Variants in ADAM2 observed in about 807,000 individuals in gnomAD.
The protein encoded by ADAM2 is disintegrin and metalloproteinase domain-containing protein 2.
In ADAM2, 101 loss-of-function variants were observed where a neutral mutation model predicts 99.3. The ratio of observed to expected loss-of-function variants is 1.02; its 90% CI spans 0.87 to 1.20. The LOEUF (loss-of-function observed/expected upper bound fraction) is 1.20. Ranked by LOEUF, ADAM2 falls within the 50% of genes most tolerant of loss-of-function variation. The pLI is 0.00. For missense variants in ADAM2, 948 were observed against 878.7 expected, an observed-to-expected ratio of 1.08 and a Z score of -1.00; for synonymous variants, 323 against 287.6, an observed-to-expected ratio of 1.12 and a Z score of -1.25.
At position 39,777,152 on chromosome 8, in the gene ADAM2, T is replaced by C. The variant is rs369996616; in HGVS notation, c.901A>G (p.Thr301Ala). 6.2e-7 allele frequency: 1 copy of C among 1,605,148 alleles called. No homozygotes were observed. The highest frequency in any genetic ancestry group is 8.5e-7 in the Non-Finnish European group (1 of 1,176,874). ...ACTGCAAGTGATTCCAGACTTATGG[T>C]TCTGGGGTGCTGAGAAAAAAAAATA... ...YAGGVVLHPRTISLESLAVIL... is the reference protein window; with the variant it reads ...YAGGVVLHPRAISLESLAVIL... Residue 301 changes from threonine to alanine, a missense_variant, in exon 11 of 21, where the codon ACC (threonine) becomes GCC (alanine). Thr to Ala is a moderately conservative substitution (Grantham distance 58). Coordinates refer to ENST00000265708, the MANE Select transcript of ADAM2 (RefSeq NM_001464.5).
At chr8:39,791,105 A>C (rs771454292) in intron 7 of ADAM2, among the ~76,000 whole-genome samples, 1 of 152,020 alleles carries the variant, frequency 6.6e-6, no homozygotes, top group Non-Finnish European at 1.5e-5. Flanking sequence ...GACTTATGCT[A>C]AAGTTTCATG....
chr8:39,746,587 A>G lies in ADAM2; in HGVS notation c.2059T>C (p.Trp687Arg), dbSNP rs1277679464. The change falls in exon 19 of 21, where the codon TGG (tryptophan) becomes CGG (arginine). Residue 687 changes from tryptophan (W) to arginine (R), a missense_variant. Physicochemically the swap from Trp to Arg is moderately radical, Grantham distance 101 (BLOSUM62 -3). Transcript: ENST00000265708. The stretch of plus-strand genomic sequence containing the variant: ...AAAGGAATGAATAAGAAAAATGGCC[A>G]TCTCATTGGTTTGGAATGGTAAATG... ...ENIYHSKPMR[W>R]PFFLFIPFFI... 6.2e-7 allele frequency: 1 copy of G among 1,607,752 alleles called. No homozygotes were observed.
intron 11 of ADAM2, among the ~76,000 whole-genome samples, chr8:39,773,750 G>A (rs1052269559): frequency 4.0e-5 from 6 of 151,774 alleles, no homozygotes; most frequent in African/African-American, 1.4e-4. Flanking sequence ...TCCAGTTCCG[G>A]ACAGCTTCAC....
At chr8:39,772,584 G>A (rs966852804) in intron 11 of ADAM2, among the ~76,000 whole-genome samples, 19 of 152,066 alleles carry the variant, frequency 1.2e-4, no homozygotes, top group Middle Eastern at 3.4e-3. Flanking sequence ...ACTTTTCTTT[G>A]ATTGTAGCCA....
chr8:39,782,347 C>G (rs544048881), intron 10 of ADAM2, among the ~76,000 whole-genome samples: 2 of 152,212 alleles, frequency 1.3e-5, no homozygotes, highest in South Asian at 4.1e-4. Flanking sequence ...TTCACCATGT[C>G]ATACTCTTTT....
At chr8:39,771,448 A>C (rs951415318) in intron 11 of ADAM2, among the ~76,000 whole-genome samples, 1 of 152,192 alleles carries the variant, frequency 6.6e-6, no homozygotes, top group African/African-American at 2.4e-5. Context: ...ACTATAAATA[A>C]TAAAGTTTAA....
At position 39,755,752 on chromosome 8, in the gene ADAM2, A is replaced by G; in HGVS notation, c.1773T>C (p.Asp591=). 2 of 1,613,038 alleles carry G rather than the reference A, an allele frequency of 1.2e-6. No individual in the cohort carries two copies. The highest frequency in any genetic ancestry group is 1.7e-6 in the Non-Finnish European group (2 of 1,179,570). ...CCTTATTTGAACCACAAGAAGTTCC[A>G]TCTTTTATCCACATCTTTTGGCTGT... ...HADSQKMWIK[D]GTSCGSNKVC... Residue 591 remains aspartate, a synonymous_variant, in exon 16 of 21, where the codon GAT becomes GAC. Coordinates refer to ENST00000265708, the MANE Select transcript of ADAM2 (RefSeq NM_001464.5).
chr8:39,769,326 C>A (rs1055852135), intron 12 of ADAM2, 66 bp downstream of exon 12: 1 of 1,286,384 alleles, frequency 7.8e-7, no homozygotes, highest in Non-Finnish European at 1.1e-6. Context: ...ATGGCAGTTT[C>A]TCACTCGAAT....
At chr8:39,833,821 G>A (rs1051366911) in intron 3 of ADAM2, 123 bp downstream of exon 3, 1 of 674,460 alleles carries the variant, frequency 1.5e-6, no homozygotes. Flanking sequence ...ATATGATAAG[G>A]GATGAATGAA....
In ADAM2 at chr8:39,779,860, C is replaced by T. The variant is rs186619590; in HGVS notation, c.892-2699G>A. ...ATATAAGTTTTTTTAGAAAAACACT[C>T]GTCTCTAATTTTATGTATCAACATT... On this transcript the variant is annotated intron_variant, in intron 10 of 20. Coordinates refer to ENST00000265708, the MANE Select transcript of ADAM2 (RefSeq NM_001464.5). Among the ~76,000 whole-genome samples, 15 of 152,156 alleles carry T rather than the reference C, an allele frequency of 9.9e-5. No individual in the cohort carries two copies. In the East Asian group the frequency reaches 1.5e-3, roughly 16 times the overall value.
At chr8:39,779,519 G>A (rs1168227963) in intron 10 of ADAM2, among the ~76,000 whole-genome samples, 1 of 152,108 alleles carries the variant, frequency 6.6e-6, no homozygotes, top group African/African-American at 2.4e-5. Flanking sequence ...GATATGGAAA[G>A]CAGTAAGAGA....
intron 18 of ADAM2, among the ~76,000 whole-genome samples, chr8:39,747,845 T>C (rs1823536787): frequency 6.6e-6 from 1 of 152,198 alleles, no homozygotes; most frequent in South Asian, 2.1e-4. Flanking sequence ...GTTTTTAAAC[T>C]GTCCTTGAAT....
At chr8:39,821,765 ACTCATGTTTC>A in intron 4 of ADAM2, 103 bp from the exon 5 acceptor site, 1 of 767,130 alleles carries the variant, frequency 1.3e-6, no homozygotes, top group Admixed American at 2.3e-5. Flanking sequence ...TGCATCAAAC[ACTCATGTTTC>A]AAAAATGGAT....
chr8:39,793,627 A>G (rs968474117), intron 7 of ADAM2, among the ~76,000 whole-genome samples: 2 of 152,124 alleles, frequency 1.3e-5, no homozygotes, highest in African/African-American at 4.8e-5. Context: ...AGTCTTTTGC[A>G]TAAGAGTAGG....
chr8:39,830,321 C>A (rs1805564767), intron 3 of ADAM2, among the ~76,000 whole-genome samples: 1 of 151,956 alleles, frequency 6.6e-6, no homozygotes, highest in African/African-American at 2.4e-5. Flanking sequence ...TAAACTGGCC[C>A]ATAGGTCAAA....
chr8:39,787,093 T>C, intron 9 of ADAM2, 38 bp from the exon 10 acceptor site: 2 of 1,280,544 alleles, frequency 1.6e-6, no homozygotes, highest in African/African-American at 1.5e-5. Flanking sequence ...TATAATTTTG[T>C]AAAAATTAAT....
chr8:39,755,882 T>G lies in ADAM2; in HGVS notation c.1643A>C (p.Lys548Thr), dbSNP rs1213250532. ...TTGTAATAAAAATTTACCTACATAT[T>G]TACATATTAATTTTCCGCACTGCAG... ...DNLQCGKLIC[K>T]YVGKFLLQIP... The change falls in exon 16 of 21, where the codon AAA becomes ACA. Residue 548 changes from lysine to threonine, a missense_variant. Lys to Thr is a moderately conservative substitution (Grantham distance 78, BLOSUM62 -1). Coordinates refer to ENST00000265708, the MANE Select transcript of ADAM2 (RefSeq NM_001464.5). The G allele has an allele frequency of 1.9e-6, 3 of 1,570,398 alleles. No individual in the cohort carries two copies. In the African/African-American group the frequency reaches 4.1e-5, roughly 21 times the overall value.
At chr8:39,801,562 C>G (rs887611798) in intron 7 of ADAM2, among the ~76,000 whole-genome samples, 2 of 152,150 alleles carry the variant, frequency 1.3e-5, no homozygotes. Context: ...GTGTGTTTTA[C>G]TAGGGGGAAA....
At chr8:39,816,221 C>T (rs1051652527) in intron 6 of ADAM2, among the ~76,000 whole-genome samples, 1 of 152,172 alleles carries the variant, frequency 6.6e-6, no homozygotes, top group African/African-American at 2.4e-5. Context: ...CACTTGAACC[C>T]GGGAGGTGGA....
Sources: allele counts gnomAD v4.1 joint callset (sites outside exome capture counted in the v4.1 genomes callset), GRCh38; gene constraint gnomAD v4.1.1; transcripts MANE v1.5; gene names NCBI Gene and HGNC (gene_info 2026-07-23, HGNC 2026-07-21).